CENPP: variants seen among roughly 807,000 people sequenced by gnomAD.
CENPP encodes the protein centromere protein P.
In CENPP, 24 loss-of-function variants were observed where a neutral mutation model predicts 35.6. The ratio of observed to expected loss-of-function variants is 0.67; its 90% CI spans 0.49 to 0.95. CENPP has a LOEUF of 0.95. Ranked by LOEUF, CENPP falls within the 40% of genes least tolerant of loss-of-function variation. The pLI, the probability that CENPP is intolerant of heterozygous loss-of-function variation, is 0.00. For synonymous variants in CENPP, 120 were observed against 125.5 expected, an observed-to-expected ratio of 0.96 and a Z score of 0.29; for missense variants, 332 against 345.3, an observed-to-expected ratio of 0.96 and a Z score of 0.31.
At chr9:92,534,379 TAGTTAGTTC>T (rs1384707537) in intron 5 of CENPP, among the ~76,000 whole-genome samples, 3 of 152,238 alleles carry the variant, frequency 2.0e-5, no homozygotes, top group African/African-American at 4.8e-5. Context: ...AGGTTTCACT[TAGTTAGTTC>T]ATAGTCTGAC....
rs1851384323 is a variant in CENPP at position 92,614,884 on chromosome 9, C to A, written c.*1735C>A. 6.6e-6 allele frequency: 1 copy of A among 152,564 alleles called. No individual in the cohort carries two copies. The allele number at this position is 152,564 out of a possible 1,614,324, so 9.5% of individuals were successfully genotyped here. ...TTCCAGAAGCAGGGCCTGTGGCAGC[C>A]TAACAGGGAGAGGCCACGGGGCCCA... On this transcript the variant is annotated 3_prime_UTR_variant, in exon 8 of 8. Coordinates refer to ENST00000375587, the MANE Select transcript of CENPP (RefSeq NM_001012267.3).
intron 5 of CENPP, among the ~76,000 whole-genome samples, chr9:92,462,029 G>A (rs544270137): frequency 1.3e-5 from 2 of 152,120 alleles, no homozygotes; most frequent in East Asian, 3.9e-4. Context: ...CCAGGCTGGA[G>A]TGTAGTAGCG....
intron 5 of CENPP, chr9:92,389,778 A>G: frequency 3.1e-6 from 3 of 959,884 alleles, no homozygotes; most frequent in Middle Eastern, 3.2e-4. Context: ...TCAAAATACA[A>G]TTCTAGACCA....
At chr9:92,327,915 T>C (rs1588026260) in intron 1 of CENPP, among the ~76,000 whole-genome samples, 1 of 152,216 alleles carries the variant, frequency 6.6e-6, no homozygotes, top group Non-Finnish European at 1.5e-5. Context: ...TGGTATCTTA[T>C]TGCCACAGAG....
At chr9:92,404,566 T>C in intron 5 of CENPP, 1 of 1,295,876 alleles carries the variant, frequency 7.7e-7, no homozygotes, top group Non-Finnish European at 1.0e-6. Context: ...TAGCCCCAAG[T>C]GGGAGGGTGA....
chr9:92,475,319 G>A (rs1031000375), intron 5 of CENPP, among the ~76,000 whole-genome samples: 13 of 151,846 alleles, frequency 8.6e-5, no homozygotes, highest in African/African-American at 2.9e-4. Flanking sequence ...TTTAAATATG[G>A]GATATTATCT....
chr9:92,489,147 G>C (rs371274826), intron 5 of CENPP, among the ~76,000 whole-genome samples: 1 of 152,302 alleles, frequency 6.6e-6, no homozygotes, highest in East Asian at 1.9e-4. Context: ...GAATGCTCCT[G>C]TTCACCTTGT....
intron 5 of CENPP, among the ~76,000 whole-genome samples, chr9:92,551,845 G>A (rs1419977055): frequency 6.7e-6 from 1 of 150,194 alleles, no homozygotes; most frequent in African/African-American, 2.4e-5. Flanking sequence ...TCCATGGTGT[G>A]TGTATATATA....
chr9:92,390,092 G>A (rs1422630411), intron 5 of CENPP: 3 of 1,241,552 alleles, frequency 2.4e-6, no homozygotes, highest in African/African-American at 3.0e-5. Context: ...AACTACGTAA[G>A]TAAAATTCTT....
intron 5 of CENPP, among the ~76,000 whole-genome samples, chr9:92,477,230 G>C (rs891557415): frequency 2.6e-5 from 4 of 152,168 alleles, no homozygotes; most frequent in African/African-American, 9.7e-5. Flanking sequence ...TGGGGTCCTG[G>C]TAAAGGTTAC....
At chr9:92,337,039 C>T (rs1241513866) in intron 2 of CENPP, among the ~76,000 whole-genome samples, 2 of 151,938 alleles carry the variant, frequency 1.3e-5, no homozygotes, top group Non-Finnish European at 2.9e-5. Flanking sequence ...AAAACTTGGC[C>T]GGGCGCAGTG....
chr9:92,398,331 G>A (rs190735596), intron 5 of CENPP, among the ~76,000 whole-genome samples: 3 of 151,910 alleles, frequency 2.0e-5, no homozygotes, highest in Admixed American at 6.6e-5. Context: ...ATTTATATAC[G>A]TATTTGGTTT....
At chr9:92,592,554 C>T (rs150640201) in intron 5 of CENPP, among the ~76,000 whole-genome samples, 2 of 152,276 alleles carry the variant, frequency 1.3e-5, no homozygotes, top group African/African-American at 2.4e-5. Context: ...TCATACTGTT[C>T]CTGGGTATTC....
At chr9:92,386,537 A>G (rs1181772349) in intron 5 of CENPP, among the ~76,000 whole-genome samples, 1 of 151,840 alleles carries the variant, frequency 6.6e-6, no homozygotes, top group Non-Finnish European at 1.5e-5. Flanking sequence ...CATACCCCAC[A>G]CTTCTGTCCA....
intron 5 of CENPP, among the ~76,000 whole-genome samples, chr9:92,573,365 C>T (rs1421905607): frequency 6.6e-6 from 1 of 152,186 alleles, no homozygotes; most frequent in Non-Finnish European, 1.5e-5. Context: ...TGGAGGTCCA[C>T]TCCAGACCCT....
At chr9:92,419,364 G>T (rs1200716030) in intron 5 of CENPP, among the ~76,000 whole-genome samples, 1 of 146,870 alleles carries the variant, frequency 6.8e-6, no homozygotes, top group Non-Finnish European at 1.5e-5. Flanking sequence ...GCAGTGGTGC[G>T]ATCTCGGCTC....
intron 5 of CENPP, among the ~76,000 whole-genome samples, chr9:92,565,418 G>T (rs994472588): frequency 1.3e-5 from 2 of 151,364 alleles, no homozygotes; most frequent in Non-Finnish European, 2.9e-5. Context: ...GGTTAGACAA[G>T]CTTGTTCTAC....
chr9:92,338,319 A>G (rs745950458), intron 3 of CENPP, among the ~76,000 whole-genome samples: 3 of 151,994 alleles, frequency 2.0e-5, no homozygotes, highest in African/African-American at 7.2e-5. Flanking sequence ...CACACACAAA[A>G]AAAAAACCAC....
In CENPP at chr9:92,507,841, G is replaced by A. The variant is rs949167668; in HGVS notation, c.565-103473G>A. ...ATAACACGTGTGCACATCTCAGGTG[G>A]ACTCTGCTCCTCCTGCAGGTAAATT... On this transcript the variant is annotated intron_variant, in intron 5 of 7. Transcript: ENST00000375587. Among the ~76,000 whole-genome samples, 6 of 152,266 alleles carry A rather than the reference G, an allele frequency of 3.9e-5. No homozygotes were observed. The South Asian group carries it at 1.0e-3, about 26-fold the overall frequency.
Sources: gnomAD v4.1 joint callset for allele counts (sites outside exome capture counted in the v4.1 genomes callset) on GRCh38, gnomAD v4.1.1 for gene constraint, MANE v1.5 for transcripts, NCBI Gene and HGNC (gene_info 2026-07-23, HGNC 2026-07-21) for gene names.